Variants in MACROD2 observed in about 807,000 individuals in gnomAD.
MACROD2 encodes the protein mono-ADP ribosylhydrolase 2, also known as ADP-ribose glycohydrolase MACROD2.
MACROD2 carries 36 observed loss-of-function variants against 70.4 expected under a neutral mutation model. The observed-to-expected ratio is 0.51, with a 90% CI of 0.39 to 0.68. MACROD2 has a LOEUF of 0.68. Ranked by LOEUF, MACROD2 falls within the 30% of genes least tolerant of loss-of-function variation. MACROD2 has a pLI of 0.00. For missense variants in MACROD2, 496 were observed against 538.4 expected (o/e 0.92, Z 0.78); for synonymous variants, 172 against 178.8 (o/e 0.96, Z 0.30).
chr20:15,958,921 C>T (rs2066018412), intron 12 of MACROD2, among the ~76,000 whole-genome samples: 1 of 152,138 alleles, frequency 6.6e-6, no homozygotes, highest in Admixed American at 6.6e-5. Context: ...ATGAACTGGC[C>T]AGCACCTTGA....
chr20:15,165,652 T>C (rs2076378773), intron 5 of MACROD2, among the ~76,000 whole-genome samples: 1 of 152,208 alleles, frequency 6.6e-6, no homozygotes, highest in Admixed American at 6.5e-5. Context: ...AGGCAATTTC[T>C]ACCAAACTTT....
In MACROD2 at chr20:14,929,977, C is replaced by T. The variant is rs983399760; in HGVS notation, c.418+245018C>T. On this transcript the variant is annotated intron_variant, in intron 5 of 17. Coordinates refer to ENST00000684519, the MANE Select transcript of MACROD2 (RefSeq NM_001351661.2). ...GAGATCGAGACCATCCTGGCTAACACGGTGAAACCCCGTCTCTACTAAAAA... is the reference window on the plus strand; with the variant it reads ...GAGATCGAGACCATCCTGGCTAACATGGTGAAACCCCGTCTCTACTAAAAA... Among the ~76,000 whole-genome samples the T allele has an allele frequency of 5.9e-5, 9 of 151,904 alleles. 1 individual carries two copies. Among genetic ancestry groups the T allele is most frequent in the Admixed American group, 4.6e-4 (7 of 15,264 alleles).
Position 14,696,359 on chromosome 20 carries a change from G to T in MACROD2, c.418+11400G>T, listed in dbSNP as rs570910226. Among the ~76,000 whole-genome samples the T allele has an allele frequency of 2.0e-5, 3 of 152,084 alleles. No individual in the cohort carries two copies. The South Asian group carries it at 6.2e-4, about 32-fold the overall frequency. Reference sequence around the variant, plus strand: ...TGCCACTCACATGCTTTTTTTTACTGATAAGAATTACTGTTTCTATTTTGG... The same window carrying T: ...TGCCACTCACATGCTTTTTTTTACTTATAAGAATTACTGTTTCTATTTTGG... On this transcript the variant is annotated intron_variant, in intron 5 of 17. Transcript: ENST00000684519.
At chr20:14,174,960 A>G (rs1054996118) in intron 3 of MACROD2, among the ~76,000 whole-genome samples, 10 of 152,210 alleles carry the variant, frequency 6.6e-5, no homozygotes, top group Non-Finnish European at 1.3e-4. Flanking sequence ...CAAGTTCCTC[A>G]GTGAGAGTGT....
chr20:14,449,687 G>T (rs963149236), intron 3 of MACROD2, among the ~76,000 whole-genome samples: 2 of 152,084 alleles, frequency 1.3e-5, no homozygotes, highest in African/African-American at 4.8e-5. Context: ...ACTCTATAAA[G>T]AATTGATATT....
At chr20:14,665,204 T>G (rs2070724211) in intron 4 of MACROD2, among the ~76,000 whole-genome samples, 1 of 152,148 alleles carries the variant, frequency 6.6e-6, no homozygotes, top group South Asian at 2.1e-4. Flanking sequence ...TAGGAAGTCT[T>G]TGTTAAATAA....
intron 9 of MACROD2, among the ~76,000 whole-genome samples, chr20:15,880,936 G>A (rs1244612177): frequency 6.6e-6 from 1 of 152,050 alleles, no homozygotes. Flanking sequence ...CTTCTGGAAT[G>A]CCTTCATAGA....
intron 5 of MACROD2, among the ~76,000 whole-genome samples, chr20:15,061,068 G>A (rs2075528707): frequency 6.6e-6 from 1 of 152,122 alleles, no homozygotes; most frequent in Non-Finnish European, 1.5e-5. Flanking sequence ...CTGATGAGGG[G>A]GGACAGAATG....
intron 4 of MACROD2, among the ~76,000 whole-genome samples, chr20:14,621,419 A>G (rs1345761473): frequency 6.6e-6 from 1 of 152,124 alleles, no homozygotes; most frequent in Non-Finnish European, 1.5e-5. Context: ...TTCAAGATAA[A>G]AAAGATAGGA....
chr20:14,732,028 A>G (rs1051129525), intron 5 of MACROD2, among the ~76,000 whole-genome samples: 1 of 152,170 alleles, frequency 6.6e-6, no homozygotes, highest in Non-Finnish European at 1.5e-5. Flanking sequence ...GTAAATATCT[A>G]TAGATATAAC....
chr20:15,160,027 A>G (rs541325040), intron 5 of MACROD2, among the ~76,000 whole-genome samples: 2 of 152,218 alleles, frequency 1.3e-5, no homozygotes, highest in South Asian at 2.1e-4. Flanking sequence ...TGTTCATGAC[A>G]GGTGCAGGTA....
chr20:14,480,818 A>G (rs1341354215), intron 3 of MACROD2, among the ~76,000 whole-genome samples: 1 of 152,138 alleles, frequency 6.6e-6, no homozygotes, highest in Non-Finnish European at 1.5e-5. Context: ...ATAAAGTTAT[A>G]TTTTTCCATG....
chr20:14,724,879 A>AT (rs906560789), intron 5 of MACROD2, among the ~76,000 whole-genome samples: 56 of 152,218 alleles, frequency 3.7e-4, no homozygotes, highest in Middle Eastern at 6.8e-3. Flanking sequence ...CTTGCTTAGT[A>AT]TTTTTTTACA....
At chr20:13,999,042 T>C (rs1466555441) in intron 1 of MACROD2, among the ~76,000 whole-genome samples, 1 of 152,220 alleles carries the variant, frequency 6.6e-6, no homozygotes, top group Non-Finnish European at 1.5e-5. Context: ...CTCATTGGTC[T>C]GTTCCTTTAC....
chr20:14,371,542 C>T (rs952633623), intron 3 of MACROD2, among the ~76,000 whole-genome samples: 7 of 151,956 alleles, frequency 4.6e-5, no homozygotes, highest in African/African-American at 1.5e-4. Flanking sequence ...TGTTTGTATC[C>T]ATTTGAATAT....
At chr20:15,299,351 G>T (rs2077620764) in intron 6 of MACROD2, among the ~76,000 whole-genome samples, 1 of 152,140 alleles carries the variant, frequency 6.6e-6, no homozygotes. Context: ...AAATTTTCTT[G>T]TTTCTGGCTA....
In MACROD2 at chr20:14,375,508, C is replaced by T. The variant is rs1462047576; in HGVS notation, c.272-117971C>T. ...CTTGATCACATACTATAAAGGTAGA[C>T]AAAGGGGAGAACGAAGAGGTTTGGC... On this transcript the variant is annotated intron_variant, in intron 3 of 17. Coordinates refer to ENST00000684519, the MANE Select transcript of MACROD2 (RefSeq NM_001351661.2). 2.6e-5 allele frequency among the ~76,000 whole-genome samples: 4 copies of T among 152,014 alleles called. No individual in the cohort carries two copies. The East Asian group carries it at 7.7e-4, about 29-fold the overall frequency.
At chr20:14,324,939 G>T (rs1433706346) in intron 3 of MACROD2, 1 of 152,500 alleles carries the variant, frequency 6.6e-6, no homozygotes, top group Non-Finnish European at 1.5e-5. Flanking sequence ...CTTTTTTAAG[G>T]ATAATTAATT....
intron 5 of MACROD2, among the ~76,000 whole-genome samples, chr20:14,861,714 T>C (rs547232389): frequency 1.3e-5 from 2 of 151,380 alleles, no homozygotes; most frequent in East Asian, 4.0e-4. Context: ...ACTGGCACTT[T>C]CTCATTAAGG....
Sources: allele counts gnomAD v4.1 joint callset (sites outside exome capture counted in the v4.1 genomes callset), GRCh38; gene constraint gnomAD v4.1.1; transcripts MANE v1.5; gene names NCBI Gene and HGNC (gene_info 2026-07-23, HGNC 2026-07-21).